STXBP4: variants seen among roughly 807,000 people sequenced by gnomAD.
STXBP4 encodes syntaxin binding protein 4.
In STXBP4, 55 loss-of-function variants were observed where a neutral mutation model predicts 76.1. The ratio of observed to expected loss-of-function variants is 0.72; its 90% CI spans 0.58 to 0.91. The LOEUF (loss-of-function observed/expected upper bound fraction) is 0.91. Ranked by LOEUF, STXBP4 falls within the 40% of genes least tolerant of loss-of-function variation. The pLI, the probability that STXBP4 is intolerant of heterozygous loss-of-function variation, is 0.00. For missense variants in STXBP4, 618 were observed against 636.9 expected (o/e 0.97, Z 0.32); for synonymous variants, 201 against 220.2 (o/e 0.91, Z 0.77).
intron 1 of STXBP4, among the ~76,000 whole-genome samples, chr17:54,969,426 G>A (rs936913771): frequency 4.6e-5 from 7 of 152,202 alleles, no homozygotes; most frequent in African/African-American, 1.7e-4. Context: ...CTATAAAATA[G>A]CAGTTAAGAG....
intron 8 of STXBP4, among the ~76,000 whole-genome samples, chr17:55,016,657 A>ACCTTCTATT (rs1206261309): frequency 1.3e-5 from 2 of 152,168 alleles, no homozygotes; most frequent in African/African-American, 4.8e-5. Flanking sequence ...CCTGGAAGGA[A>ACCTTCTATT]CCTTCTATTG....
intron 8 of STXBP4, among the ~76,000 whole-genome samples, chr17:55,022,835 G>A (rs1053565654): frequency 6.6e-6 from 1 of 152,166 alleles, no homozygotes; most frequent in African/African-American, 2.4e-5. Flanking sequence ...TGGTACTAAC[G>A]ACGTAAGTCA....
At chr17:55,176,834 C>T (rs1196153654), downstream of STXBP4, among the ~76,000 whole-genome samples, 1 of 152,156 alleles carries the variant, frequency 6.6e-6, no homozygotes, top group Non-Finnish European at 1.5e-5. Flanking sequence ...CTCTCTCCCT[C>T]TTCTTGAGAT....
chr17:55,060,719 G>A (rs1245845169), intron 12 of STXBP4, among the ~76,000 whole-genome samples: 3 of 152,102 alleles, frequency 2.0e-5, no homozygotes, highest in Non-Finnish European at 4.4e-5. Context: ...GAATAACCGA[G>A]CTTAAGTTTA....
At chr17:55,053,014 A>G (rs1263745886) in intron 12 of STXBP4, among the ~76,000 whole-genome samples, 1 of 147,614 alleles carries the variant, frequency 6.8e-6, no homozygotes, top group Non-Finnish European at 1.5e-5. Flanking sequence ...ATAAAAGTTT[A>G]CAGGTTAAAA....
At chr17:55,105,120 C>G (rs1432707759) in intron 16 of STXBP4, among the ~76,000 whole-genome samples, 1 of 152,070 alleles carries the variant, frequency 6.6e-6, no homozygotes, top group Non-Finnish European at 1.5e-5. Context: ...GTCTCTATCT[C>G]CTTCAGTTCT....
At position 54,999,837 on chromosome 17, in the gene STXBP4, T is replaced by C. The variant is rs750497332; in HGVS notation, c.493T>C (p.Cys165Arg). The change falls in exon 6 of 18, where the codon TGT becomes CGT. Residue 165 changes from cysteine to arginine, a missense_variant. By Grantham distance (180) the Cys-to-Arg change is radical. Transcript: ENST00000376352. ...PKTNNDILSS[C>R]EIKTGYNKTV... ...AACAAATAATGACATTTTATCTTCT[T>C]GTGAGGTAAGTCAGGTAATCTTAAA... 6 of 1,607,768 alleles carry C rather than the reference T, an allele frequency of 3.7e-6. No individual in the cohort carries two copies. In the East Asian group the frequency reaches 1.1e-4, roughly 30 times the overall value.
rs548807647 is a variant in STXBP4, at chr17:55,073,036, A to C, written c.1148A>C (p.Glu383Ala). 16 of 1,613,976 alleles carry C rather than the reference A, an allele frequency of 9.9e-6. No homozygotes were observed. In the African/African-American group the frequency reaches 2.1e-4, roughly 22 times the overall value. The change falls in exon 13 of 18, where the codon GAG (glutamate) becomes GCG (alanine). Residue 383 changes from glutamate (E) to alanine (A), a missense_variant. Glu to Ala is a moderately radical substitution (Grantham distance 107). Transcript: ENST00000376352. ...CGTCTGTTAGAGGCCAAGATTACAG[A>C]GCTAAAGGCTCAGCTTGCTGATTAT... Reference protein sequence around the residue: ...VIRLLEAKITELKAQLADYSD... With the variant: ...VIRLLEAKITALKAQLADYSD...
In STXBP4 at chr17:55,000,856, A is replaced by G. The variant is rs374205393; in HGVS notation, c.547A>G (p.Asn183Asp). Residue 183 changes from asparagine to aspartate, a missense_variant, in exon 7 of 18, where the codon AAC becomes GAC. By Grantham distance (23) the Asn-to-Asp change is conservative. Coordinates refer to ENST00000376352, the MANE Select transcript of STXBP4 (RefSeq NM_178509.6). ...KTVQIPITSENSTVGLSNTDV... is the reference protein window; with the variant it reads ...KTVQIPITSEDSTVGLSNTDV... Reference sequence around the variant, plus strand: ...AGTACAGATTCCAATTACTTCAGAAAACAGTACTGTGGGTTTGTCTAATAC... The same window carrying G: ...AGTACAGATTCCAATTACTTCAGAAGACAGTACTGTGGGTTTGTCTAATAC... The G allele has an allele frequency of 1.2e-6, 2 of 1,610,064 alleles. No individual in the cohort carries two copies. Among genetic ancestry groups the G allele is most frequent in the African/African-American group, 1.3e-5 (1 of 74,816 alleles).
chr17:55,007,311 G>A (rs1425751344), intron 7 of STXBP4, among the ~76,000 whole-genome samples, 195 bp from the exon 8 acceptor site: 1 of 150,714 alleles, frequency 6.6e-6, no homozygotes, highest in Non-Finnish European at 1.5e-5. Flanking sequence ...TCCAGCCTGG[G>A]CAACAGAGTG....
chr17:55,110,082 C>T (rs1344452742), intron 16 of STXBP4, among the ~76,000 whole-genome samples: 2 of 152,206 alleles, frequency 1.3e-5, no homozygotes, highest in African/African-American at 4.8e-5. Flanking sequence ...CATTTTCTTG[C>T]CTTTTCTAGC....
chr17:55,154,663 T>A (rs2080257007), intron 17 of STXBP4, among the ~76,000 whole-genome samples: 1 of 152,114 alleles, frequency 6.6e-6, no homozygotes, highest in South Asian at 2.1e-4. Flanking sequence ...CCTGACATGT[T>A]TTAGCTCTAT....
At position 55,014,679 on chromosome 17, in the gene STXBP4, G is replaced by A. The variant is rs375007563; in HGVS notation, c.666+7082G>A. 2.9e-3 allele frequency among the ~76,000 whole-genome samples: 437 copies of A among 152,276 alleles called. 8 individuals carry two copies. The South Asian group carries it at 0.045, about 16-fold the overall frequency. On this transcript the variant is annotated intron_variant, in intron 8 of 17. Coordinates refer to ENST00000376352, the MANE Select transcript of STXBP4 (RefSeq NM_178509.6). The stretch of plus-strand genomic sequence containing the variant: ...TCCTGCTGCTGGATCCATCTGGTTA[G>A]TGGCTTCTGACTCAGAGGACCTTCA...
At chr17:55,175,856 T>C (rs1411401574), downstream of STXBP4, among the ~76,000 whole-genome samples, 1 of 152,160 alleles carries the variant, frequency 6.6e-6, no homozygotes, top group Non-Finnish European at 1.5e-5. Flanking sequence ...CCTTCTGCTT[T>C]AGAGCTTCCC....
intron 1 of STXBP4, among the ~76,000 whole-genome samples, chr17:54,971,179 T>C (rs1451294870): frequency 6.6e-6 from 1 of 152,234 alleles, no homozygotes; most frequent in Non-Finnish European, 1.5e-5. Context: ...ACTTGTTTAT[T>C]TCCTATTACA....
Position 54,980,667 on chromosome 17 carries a change from T to C in STXBP4, c.-156-4947T>C, listed in dbSNP as rs563712324. ...TTTCCATTTTTCATCTGCCATGCAGTGCAAAGGGAGTAGCCTCTCATCCTT... is the reference window on the plus strand; with the variant it reads ...TTTCCATTTTTCATCTGCCATGCAGCGCAAAGGGAGTAGCCTCTCATCCTT... On this transcript the variant is annotated intron_variant, in intron 1 of 17. Transcript: ENST00000376352. 2.0e-5 allele frequency among the ~76,000 whole-genome samples: 3 copies of C among 152,328 alleles called. No homozygotes were observed. In the East Asian group the frequency reaches 5.8e-4, roughly 29 times the overall value.
chr17:55,114,856 A>G (rs867328913), intron 16 of STXBP4, among the ~76,000 whole-genome samples: 1 of 151,906 alleles, frequency 6.6e-6, no homozygotes, highest in Non-Finnish European at 1.5e-5. Context: ...CACAGTTCTC[A>G]TATCTCCCAG....
At chr17:55,007,726 G>A in intron 8 of STXBP4, 129 bp downstream of exon 8, 1 of 657,296 alleles carries the variant, frequency 1.5e-6, no homozygotes, top group Admixed American at 2.9e-5. Context: ...TTAAATGAAT[G>A]GCAGTTTGGA....
chr17:55,060,615 G>C (rs1316827009), intron 12 of STXBP4, among the ~76,000 whole-genome samples: 1 of 152,074 alleles, frequency 6.6e-6, no homozygotes, highest in Non-Finnish European at 1.5e-5. Flanking sequence ...TTCAATCAAG[G>C]ATAGCTACCA....
Sources: gnomAD v4.1 joint callset for allele counts (sites outside exome capture counted in the v4.1 genomes callset) on GRCh38, gnomAD v4.1.1 for gene constraint, MANE v1.5 for transcripts, NCBI Gene and HGNC (gene_info 2026-07-23, HGNC 2026-07-21) for gene names.